UBE2E2: variants seen among roughly 807,000 people sequenced by gnomAD.
UBE2E2 encodes ubiquitin conjugating enzyme E2 E2, also known as ubiquitin-conjugating enzyme E2 E2.
A neutral mutation model predicts 24.7 loss-of-function variants in UBE2E2; 6 were observed. That is an observed-to-expected ratio of 0.24 (90% CI 0.13 to 0.48). The LOEUF (loss-of-function observed/expected upper bound fraction) is 0.48. UBE2E2 is among the 20% of genes least tolerant of loss of function. The pLI, the probability that UBE2E2 is intolerant of heterozygous loss-of-function variation, is 0.99. For missense variants in UBE2E2, 169 were observed against 245.0 expected (o/e 0.69, Z 2.07); for synonymous variants, 104 against 83.6 (o/e 1.24, Z -1.33).
intron 5 of UBE2E2, among the ~76,000 whole-genome samples, chr3:23,558,572 C>G (rs990121744): frequency 6.6e-6 from 1 of 152,112 alleles, no homozygotes; most frequent in Non-Finnish European, 1.5e-5. Context: ...AATAAAGACT[C>G]TCTTCATGGT....
intron 3 of UBE2E2, among the ~76,000 whole-genome samples, chr3:23,441,739 G>A (rs1698310493): frequency 1.3e-5 from 2 of 152,066 alleles, no homozygotes; most frequent in South Asian, 4.2e-4. Context: ...ATTGCTTTAT[G>A]CTATTATTTT....
chr3:23,458,490 TCACTGCAAG>T (rs199982900), intron 3 of UBE2E2, among the ~76,000 whole-genome samples: 12,855 of 151,818 alleles, frequency 0.085, 893 homozygotes, highest in South Asian at 0.21. Flanking sequence ...CCATCTCAGC[TCACTGCAAG>T]CTCCGCCTGC....
chr3:23,554,994 G>T (rs1368190353), intron 5 of UBE2E2, among the ~76,000 whole-genome samples: 1 of 151,218 alleles, frequency 6.6e-6, no homozygotes, highest in Admixed American at 6.6e-5. Context: ...TCTGCTCACT[G>T]CAGCCTTATC....
intron 5 of UBE2E2, among the ~76,000 whole-genome samples, chr3:23,556,453 T>TAAAAAAAAAAAAAAAAAAAAAAA (rs1321819270): frequency 4.3e-5 from 3 of 69,004 alleles, no homozygotes; most frequent in African/African-American, 6.5e-5. Context: ...TAAAATTTAT[T>TAAAAAAAAAAAAAAAAAAAAAAA]TAAAAAAAAA....
intron 5 of UBE2E2, among the ~76,000 whole-genome samples, chr3:23,559,373 G>A (rs889793343): frequency 1.6e-4 from 24 of 151,972 alleles, no homozygotes; most frequent in Admixed American, 6.6e-4. Context: ...AACCTTAACC[G>A]TGACCTATCA....
chr3:23,542,548 G>T (rs1421737869), intron 5 of UBE2E2, among the ~76,000 whole-genome samples: 1 of 152,156 alleles, frequency 6.6e-6, no homozygotes, highest in Non-Finnish European at 1.5e-5. Context: ...TATCTTCATA[G>T]TATTCATGGT....
intron 3 of UBE2E2, among the ~76,000 whole-genome samples, chr3:23,366,022 C>CTA (rs1488491112): frequency 6.6e-6 from 1 of 152,092 alleles, no homozygotes; most frequent in Non-Finnish European, 1.5e-5. Flanking sequence ...AAAGGACTTT[C>CTA]TATATAATAA....
chr3:23,422,320 G>C (rs1158799612), intron 3 of UBE2E2, among the ~76,000 whole-genome samples: 1 of 152,096 alleles, frequency 6.6e-6, no homozygotes, highest in African/African-American at 2.4e-5. Context: ...CTTCCTGAGA[G>C]ACAACACTTG....
intron 3 of UBE2E2, among the ~76,000 whole-genome samples, chr3:23,400,911 G>A (rs1263590827): frequency 2.6e-5 from 4 of 152,064 alleles, no homozygotes; most frequent in African/African-American, 9.7e-5. Context: ...TTTTCAATGA[G>A]TTTATGTTTG....
At chr3:23,287,858 A>G (rs371060618) in intron 3 of UBE2E2, among the ~76,000 whole-genome samples, 122 of 148,080 alleles carry the variant, frequency 8.2e-4, no homozygotes, top group Admixed American at 5.3e-3. Flanking sequence ...AGACTTGTCA[A>G]TTTTCTTTCT....
At chr3:23,270,608 T>C (rs1698214667) in intron 3 of UBE2E2, among the ~76,000 whole-genome samples, 1 of 152,202 alleles carries the variant, frequency 6.6e-6, no homozygotes, top group African/African-American at 2.4e-5. Flanking sequence ...GGGTAGGTTC[T>C]GATACAGGTA....
chr3:23,466,209 G>A (rs1317732727), intron 3 of UBE2E2, among the ~76,000 whole-genome samples: 1 of 152,084 alleles, frequency 6.6e-6, no homozygotes, highest in African/African-American at 2.4e-5. Flanking sequence ...TTAAAGTTGA[G>A]GTTAAACTAG....
chr3:23,342,448 T>G (rs1695419128), intron 3 of UBE2E2, among the ~76,000 whole-genome samples: 1 of 152,198 alleles, frequency 6.6e-6, no homozygotes, highest in Non-Finnish European at 1.5e-5. Flanking sequence ...AGGAGAGCTC[T>G]TCCTTCCGCA....
intron 3 of UBE2E2, among the ~76,000 whole-genome samples, chr3:23,328,585 T>C (rs1344679316): frequency 1.3e-5 from 2 of 152,208 alleles, no homozygotes; most frequent in African/African-American, 4.8e-5. Flanking sequence ...ATGATGGCTT[T>C]ATTGGGATGT....
intron 3 of UBE2E2, among the ~76,000 whole-genome samples, chr3:23,486,459 A>C (rs914680109): frequency 1.3e-5 from 2 of 151,980 alleles, no homozygotes; most frequent in African/African-American, 4.8e-5. Flanking sequence ...CTTTGCCCAC[A>C]GCATGGCAAA....
At chr3:23,580,002 A>C (rs1696439659) in intron 5 of UBE2E2, among the ~76,000 whole-genome samples, 1 of 152,252 alleles carries the variant, frequency 6.6e-6, no homozygotes, top group Admixed American at 6.5e-5. Flanking sequence ...GTACCTGTAA[A>C]TGTGACTGAA....
intron 3 of UBE2E2, among the ~76,000 whole-genome samples, chr3:23,246,950 AGGGTT>A (rs1697426968): frequency 6.6e-6 from 1 of 152,078 alleles, no homozygotes; most frequent in Non-Finnish European, 1.5e-5. Flanking sequence ...CCTGAGCTCA[AGGGTT>A]CTTCTTGCCT....
At chr3:23,378,925 A>G (rs1020727225) in intron 3 of UBE2E2, among the ~76,000 whole-genome samples, 22 of 152,208 alleles carry the variant, frequency 1.4e-4, no homozygotes, top group African/African-American at 3.4e-4. Flanking sequence ...TCAAATCTCT[A>G]TAACACCCTT....
chr3:23,204,987 A>G (rs1216706546), intron 1 of UBE2E2, among the ~76,000 whole-genome samples: 1 of 152,228 alleles, frequency 6.6e-6, no homozygotes, highest in Non-Finnish European at 1.5e-5. Flanking sequence ...TTATGTAGTC[A>G]GTAATATTTC....
Sources: gnomAD v4.1 joint callset for allele counts (sites outside exome capture counted in the v4.1 genomes callset) on GRCh38, gnomAD v4.1.1 for gene constraint, MANE v1.5 for transcripts, NCBI Gene and HGNC (gene_info 2026-07-23, HGNC 2026-07-21) for gene names.